EPS15: variants seen among roughly 807,000 people sequenced by gnomAD.
EPS15 encodes the protein epidermal growth factor receptor substrate 15.
EPS15 carries 72 observed loss-of-function variants against 113.8 expected under a neutral mutation model. That is an observed-to-expected ratio of 0.63 (90% confidence interval 0.52 to 0.77). EPS15 has a LOEUF of 0.77. Ranked by LOEUF, EPS15 falls within the 30% of genes least tolerant of loss-of-function variation. The pLI is 0.00. For synonymous variants in EPS15, 344 were observed against 363.4 expected, an observed-to-expected ratio of 0.95 and a Z score of 0.61; for missense variants, 1,048 against 1,045.8, an observed-to-expected ratio of 1.00 and a Z score of -0.03.
At chr1:51,457,544 T>C (rs1369106295) in intron 8 of EPS15, 1 of 144,246 alleles carries the variant, frequency 6.9e-6, no homozygotes, top group Non-Finnish European at 1.5e-5. Context: ...TTCCAGATTC[T>C]GGAATATTAT....
At chr1:51,511,797 T>C (rs1644626365) in intron 1 of EPS15, among the ~76,000 whole-genome samples, 1 of 152,236 alleles carries the variant, frequency 6.6e-6, no homozygotes, top group African/African-American at 2.4e-5. Context: ...TATGTTCTTA[T>C]CCTAGCATTC....
chr1:51,430,359 A>G (rs1326522683), intron 12 of EPS15, among the ~76,000 whole-genome samples: 1 of 152,054 alleles, frequency 6.6e-6, no homozygotes, highest in Non-Finnish European at 1.5e-5. Flanking sequence ...ACTGGAGGTC[A>G]GGAGTTCGAG....
Position 51,361,282 on chromosome 1 carries a change from G to A in EPS15, c.2433C>T (p.Gly811=), listed in dbSNP as rs377729995. ...GATCTTTTTCTTTGGGGCTATCGTTGCCTGGGAAAGGCTGAAATGGATCAT... is the reference window on the plus strand; with the variant it reads ...GATCTTTTTCTTTGGGGCTATCGTTACCTGGGAAAGGCTGAAATGGATCAT... The part of the protein sequence containing the change: ...KLNDPFQPFP[G]NDSPKEKDPE... The change falls in exon 24 of 25, where the codon GGC becomes GGT. Residue 811 remains glycine, a synonymous_variant. Transcript: ENST00000371733. The A allele has an allele frequency of 6.2e-7, 1 of 1,613,726 alleles. No individual in the cohort carries two copies. The highest frequency in any genetic ancestry group is 8.5e-7 in the Non-Finnish European group (1 of 1,179,674).
Position 51,481,301 on chromosome 1 carries a change from T to C in EPS15, c.47A>G (p.Asn16Ser). The change falls in exon 2 of 25, where the codon AAT becomes AGT. Residue 16 changes from asparagine (N) to serine (S), a missense_variant. Asn to Ser is a conservative substitution (Grantham distance 46). Coordinates refer to ENST00000371733, the MANE Select transcript of EPS15 (RefSeq NM_001981.3). ...QLSLTQLSSG[N>S]PVYEKYYRQV... ...TCTATAGTATTTTTCATATACAGGA[T>C]TCCCACTTGATAACTGAAATAAACA... The C allele has an allele frequency of 7.4e-7, 1 of 1,357,076 alleles. No individual in the cohort carries two copies. The highest frequency in any genetic ancestry group is 1.1e-6 in the Non-Finnish European group (1 of 950,032). 84.1% of individuals were successfully genotyped at this position (1,357,076 alleles called of 1,614,324 possible).
At chr1:51,387,912 G>GA (rs1449653983) in intron 21 of EPS15, among the ~76,000 whole-genome samples, 3 of 152,168 alleles carry the variant, frequency 2.0e-5, no homozygotes, top group Non-Finnish European at 4.4e-5. Context: ...ACAGATCAAT[G>GA]AGACAGAAAG....
At chr1:51,409,435 C>T (rs1368533845) in intron 14 of EPS15, 100 bp downstream of exon 14, 2 of 1,167,554 alleles carry the variant, frequency 1.7e-6, no homozygotes, top group South Asian at 3.3e-5. Context: ...GGATTGCCAA[C>T]CACCACCATC....
At chr1:51,478,352 T>C (rs577807946) in intron 2 of EPS15, among the ~76,000 whole-genome samples, 1 of 152,418 alleles carries the variant, frequency 6.6e-6, no homozygotes, top group Admixed American at 6.5e-5. Flanking sequence ...TGTGTGTCTC[T>C]GCACATGAGA....
intron 16 of EPS15, among the ~76,000 whole-genome samples, chr1:51,405,249 C>T (rs1214140911): frequency 2.6e-5 from 4 of 152,156 alleles, no homozygotes; most frequent in Admixed American, 2.0e-4. Flanking sequence ...TTATGTAATA[C>T]AGCACTCTTG....
At chr1:51,442,113 A>G (rs1276384386) in intron 11 of EPS15, among the ~76,000 whole-genome samples, 1 of 152,162 alleles carries the variant, frequency 6.6e-6, no homozygotes, top group African/African-American at 2.4e-5. Flanking sequence ...ACTGATACAC[A>G]AAAACTTATC....
chr1:51,486,100 GTCTT>G (rs1401364790), intron 1 of EPS15, among the ~76,000 whole-genome samples: 1 of 151,608 alleles, frequency 6.6e-6, no homozygotes, highest in African/African-American at 2.4e-5. Flanking sequence ...GCGCAGTCGA[GTCTT>G]TCTATTTTTA....
chr1:51,468,547 G>C lies in EPS15; in HGVS notation c.235C>G (p.Leu79Val). 6.2e-7 allele frequency: 1 copy of C among 1,613,080 alleles called. No homozygotes were observed. Among genetic ancestry groups the C allele is most frequent in the Non-Finnish European group, 8.5e-7 (1 of 1,179,364 alleles). ...AATCCATTCTGGGCACATGCCACAA[G>C]ACGCAAAGCAACAAAGAATTCCTAA... Reference protein sequence around the residue: ...NKQEFFVALRLVACAQNGLEV... With the variant: ...NKQEFFVALRVVACAQNGLEV... Residue 79 changes from leucine to valine, a missense_variant, in exon 5 of 25, where the codon CTT becomes GTT. Leu to Val is a conservative substitution (Grantham distance 32). Coordinates refer to ENST00000371733, the MANE Select transcript of EPS15 (RefSeq NM_001981.3).
At chr1:51,497,521 AG>A (rs1206057766) in intron 1 of EPS15, among the ~76,000 whole-genome samples, 11 of 152,362 alleles carry the variant, frequency 7.2e-5, no homozygotes, top group Admixed American at 6.5e-4. Context: ...CATACAACAA[AG>A]GGTGAGAAAT....
chr1:51,445,788 T>G (rs1652995731), intron 10 of EPS15, among the ~76,000 whole-genome samples: 1 of 152,216 alleles, frequency 6.6e-6, no homozygotes, highest in African/African-American at 2.4e-5. Flanking sequence ...TTTCTTCTTA[T>G]AACCTTGGCT....
chr1:51,500,607 C>T (rs1644394968), intron 1 of EPS15, among the ~76,000 whole-genome samples: 1 of 152,102 alleles, frequency 6.6e-6, no homozygotes, highest in African/African-American at 2.4e-5. Context: ...CCTCGACCTC[C>T]CAAGCTCAAG....
At chr1:51,386,402 A>G (rs1647074538) in intron 21 of EPS15, among the ~76,000 whole-genome samples, 1 of 152,210 alleles carries the variant, frequency 6.6e-6, no homozygotes, top group Admixed American at 6.5e-5. Context: ...TGGCCTGAAT[A>G]AGCTTCACTG....
intron 8 of EPS15, among the ~76,000 whole-genome samples, chr1:51,459,438 G>A (rs1218240545): frequency 6.6e-6 from 1 of 152,174 alleles, no homozygotes; most frequent in Non-Finnish European, 1.5e-5. Flanking sequence ...GGTGGTTGCA[G>A]TGAGCCAAGA....
At chr1:51,401,395 A>T (rs1206856063) in intron 18 of EPS15, among the ~76,000 whole-genome samples, 1 of 152,234 alleles carries the variant, frequency 6.6e-6, no homozygotes, top group Non-Finnish European at 1.5e-5. Flanking sequence ...TCTTTTCAAC[A>T]AATGGTGTTA....
At chr1:51,499,772 C>G (rs186308662) in intron 1 of EPS15, among the ~76,000 whole-genome samples, 1 of 152,258 alleles carries the variant, frequency 6.6e-6, no homozygotes, top group Admixed American at 6.5e-5. Flanking sequence ...AAGTCCTTTT[C>G]TCATTTTTGT....
intron 21 of EPS15, among the ~76,000 whole-genome samples, chr1:51,388,150 C>T (rs1338138005): frequency 1.3e-5 from 2 of 152,146 alleles, no homozygotes; most frequent in African/African-American, 2.4e-5. Context: ...CAAACTAGAA[C>T]TCAGGATTAA....
Sources: gnomAD v4.1 joint callset for allele counts (sites outside exome capture counted in the v4.1 genomes callset) on GRCh38, gnomAD v4.1.1 for gene constraint, MANE v1.5 for transcripts, NCBI Gene and HGNC (gene_info 2026-07-23, HGNC 2026-07-21) for gene names.